SCHIP1: variants seen among roughly 807,000 people sequenced by gnomAD.
The protein encoded by SCHIP1 is schwannomin-interacting protein 1.
In SCHIP1, 8 loss-of-function variants were observed where a neutral mutation model predicts 29.7. The observed-to-expected ratio is 0.27, with a 90% confidence interval of 0.16 to 0.49. The LOEUF is 0.49. SCHIP1 is among the 20% of genes least tolerant of loss of function. SCHIP1 has a pLI of 0.99. For missense variants in SCHIP1, 193 were observed against 294.6 expected (o/e 0.66, Z 2.52); for synonymous variants, 76 against 94.9 (o/e 0.80, Z 1.16).
chr3:159,423,414 C>A, the SCHIP1 span, among the ~76,000 whole-genome samples: 1 of 152,230 alleles, frequency 6.6e-6, no homozygotes, highest in African/African-American at 2.4e-5. Context: ...TATCGCACAC[C>A]TGGCTCAGAG....
At chr3:159,589,144 G>A in the SCHIP1 span, among the ~76,000 whole-genome samples, 6 of 152,134 alleles carry the variant, frequency 3.9e-5, no homozygotes, top group Admixed American at 1.3e-4. Flanking sequence ...ATTTCGCTGA[G>A]CAGTGGTTTG....
the SCHIP1 span, among the ~76,000 whole-genome samples, chr3:159,701,400 T>A: frequency 6.6e-6 from 1 of 152,196 alleles, no homozygotes; most frequent in Admixed American, 6.5e-5. Flanking sequence ...TATATCCTTT[T>A]TAAACCATGA....
chr3:159,867,897 T>C (rs1386917250), intron 2 of SCHIP1, among the ~76,000 whole-genome samples: 1 of 151,564 alleles, frequency 6.6e-6, no homozygotes, highest in Non-Finnish European at 1.5e-5. Flanking sequence ...ATGTCTTCTT[T>C]TAGAAGCCCA....
At chr3:159,295,071 T>C in the SCHIP1 span, among the ~76,000 whole-genome samples, 4 of 151,766 alleles carry the variant, frequency 2.6e-5, no homozygotes, top group Non-Finnish European at 5.9e-5. Flanking sequence ...GCCTAAATGA[T>C]TCAATATAAA....
At chr3:159,417,876 GTA>G in the SCHIP1 span, among the ~76,000 whole-genome samples, 219 of 152,260 alleles carry the variant, frequency 1.4e-3, no homozygotes, top group African/African-American at 5.0e-3. Context: ...GCCTGCCAGG[GTA>G]TATGAGGCAC....
the SCHIP1 span, among the ~76,000 whole-genome samples, chr3:159,329,413 G>T: frequency 1.3e-5 from 2 of 152,194 alleles, no homozygotes; most frequent in Admixed American, 6.5e-5. Flanking sequence ...GGAAAGAAAA[G>T]ATGGTCTCCG....
the SCHIP1 span, among the ~76,000 whole-genome samples, chr3:159,730,358 T>G: frequency 6.6e-6 from 1 of 152,208 alleles, no homozygotes; most frequent in Non-Finnish European, 1.5e-5. Context: ...GACATGAGAA[T>G]TGAGACAGAT....
At chr3:159,607,731 GC>G in the SCHIP1 span, among the ~76,000 whole-genome samples, 1,608 of 152,270 alleles carry the variant, frequency 0.011, 11 homozygotes, top group Non-Finnish European at 0.017. Context: ...GAGAACAGGA[GC>G]CCCCTGTGAG....
At chr3:159,504,360 T>C in the SCHIP1 span, among the ~76,000 whole-genome samples, 2 of 152,180 alleles carry the variant, frequency 1.3e-5, no homozygotes, top group African/African-American at 2.4e-5. Context: ...CAACCTGCCA[T>C]AGAATTAGAG....
At chr3:159,437,826 T>C in the SCHIP1 span, among the ~76,000 whole-genome samples, 3 of 152,154 alleles carry the variant, frequency 2.0e-5, no homozygotes, top group African/African-American at 7.2e-5. Flanking sequence ...TATTTAATCA[T>C]GGAATCTTTG....
the SCHIP1 span, among the ~76,000 whole-genome samples, chr3:159,636,185 C>T: frequency 2.6e-5 from 4 of 152,126 alleles, no homozygotes; most frequent in African/African-American, 9.7e-5. Context: ...GTAGCTGGGA[C>T]AACAGGCATG....
At chr3:159,839,995 G>T (rs919086409) in exon 1 of SCHIP1, 21 of 1,434,138 alleles carry the variant, frequency 1.5e-5, no homozygotes, top group Non-Finnish European at 1.8e-5. Context: ...CAGCTCGCTA[G>T]CTGCGCGCTT....
chr3:159,767,496 G>T, the SCHIP1 span, among the ~76,000 whole-genome samples: 11 of 152,136 alleles, frequency 7.2e-5, no homozygotes, highest in Admixed American at 7.2e-4. Flanking sequence ...GGAAGAGAAG[G>T]CCTGCCTTGA....
the SCHIP1 span, among the ~76,000 whole-genome samples, chr3:159,342,757 G>A: frequency 6.6e-6 from 1 of 152,132 alleles, no homozygotes; most frequent in Non-Finnish European, 1.5e-5. Flanking sequence ...TTCACATGGT[G>A]CCAAATGACT....
At chr3:159,722,315 A>C in the SCHIP1 span, 2 of 161,438 alleles carry the variant, frequency 1.2e-5, no homozygotes, top group African/African-American at 4.8e-5. Flanking sequence ...TTCCAGTTTT[A>C]ATCAAACCTC....
chr3:159,364,177 A>G, the SCHIP1 span, among the ~76,000 whole-genome samples: 1 of 152,192 alleles, frequency 6.6e-6, no homozygotes, highest in African/African-American at 2.4e-5. Context: ...GCTTGTCTCA[A>G]GATAAGAACT....
At chr3:159,667,577 G>A in the SCHIP1 span, among the ~76,000 whole-genome samples, 1 of 152,158 alleles carries the variant, frequency 6.6e-6, no homozygotes, top group Non-Finnish European at 1.5e-5. Flanking sequence ...TGGGCATGGG[G>A]TGCACAGGAG....
At chr3:159,365,882 T>A in the SCHIP1 span, among the ~76,000 whole-genome samples, 1 of 152,210 alleles carries the variant, frequency 6.6e-6, no homozygotes, top group South Asian at 2.1e-4. Context: ...TTTTAATTTA[T>A]CCTTCTACAC....
At chr3:159,534,288 T>C in the SCHIP1 span, among the ~76,000 whole-genome samples, 1 of 152,166 alleles carries the variant, frequency 6.6e-6, no homozygotes, top group Non-Finnish European at 1.5e-5. Context: ...ATAGATGAAC[T>C]AGGCAAATGT....
Sources: gnomAD v4.1 joint callset for allele counts (sites outside exome capture counted in the v4.1 genomes callset) on GRCh38, gnomAD v4.1.1 for gene constraint, MANE v1.5 for transcripts, NCBI Gene and HGNC (gene_info 2026-07-23, HGNC 2026-07-21) for gene names.